Variants in HOMER2 observed in about 807,000 individuals in gnomAD.
HOMER2 encodes homer scaffold protein 2.
A neutral mutation model predicts 47.0 loss-of-function variants in HOMER2; 27 were observed. The ratio of observed to expected loss-of-function variants is 0.57; its 90% CI spans 0.42 to 0.79. HOMER2 has a LOEUF of 0.79. Ranked by LOEUF, HOMER2 falls within the 30% of genes least tolerant of loss-of-function variation. The pLI is 0.00. For missense variants in HOMER2, 443 were observed against 435.0 expected (o/e 1.02, Z -0.16); for synonymous variants, 161 against 163.8 (o/e 0.98, Z 0.13).
intron 1 of HOMER2, among the ~76,000 whole-genome samples, chr15:82,923,486 C>CAAA (rs555074000): frequency 7.1e-5 from 4 of 56,302 alleles, no homozygotes; most frequent in Non-Finnish European, 1.1e-4. Flanking sequence ...GAGTCCGTCT[C>CAAA]AAAAAAAAAA....
chr15:82,932,108 A>G (rs1021489997), intron 1 of HOMER2, among the ~76,000 whole-genome samples: 11 of 152,014 alleles, frequency 7.2e-5, no homozygotes, highest in East Asian at 1.9e-4. Context: ...TTCTCACCCA[A>G]CTCCATCCAT....
chr15:82,981,894 G>A (rs1011774509), intron 1 of HOMER2, among the ~76,000 whole-genome samples: 1 of 151,814 alleles, frequency 6.6e-6, no homozygotes, highest in Non-Finnish European at 1.5e-5. Context: ...ATTTCAGTGT[G>A]AGAAGATGAA....
At chr15:82,915,443 T>TAATCCTGTACTC (rs2053561908) in intron 1 of HOMER2, among the ~76,000 whole-genome samples, 1 of 152,120 alleles carries the variant, frequency 6.6e-6, no homozygotes, top group Non-Finnish European at 1.5e-5. Flanking sequence ...GTACAGTGGC[T>TAATCCTGTACTC]CATGCCTGTA....
chr15:82,844,832 G>A (rs187782203), downstream of HOMER2: 88 of 152,278 alleles, frequency 5.8e-4, no homozygotes, highest in African/African-American at 1.9e-3. Flanking sequence ...CACAACTGAC[G>A]TAAAGTCGGG....
intron 1 of HOMER2, among the ~76,000 whole-genome samples, chr15:82,936,835 G>A (rs1020735571): frequency 5.3e-5 from 8 of 151,868 alleles, no homozygotes; most frequent in Non-Finnish European, 1.5e-5. Flanking sequence ...TGTGAGGTGT[G>A]AGCCACCATG....
At chr15:82,910,695 G>A (rs945954974) in intron 1 of HOMER2, among the ~76,000 whole-genome samples, 1 of 152,176 alleles carries the variant, frequency 6.6e-6, no homozygotes, top group East Asian at 1.9e-4. Flanking sequence ...CTCGGAAGGC[G>A]TGTTTGATGG....
exon 2 of HOMER2, chr15:82,959,143 C>T (rs2054609859): frequency 6.6e-6 from 1 of 152,464 alleles, no homozygotes; most frequent in African/African-American, 2.4e-5. Flanking sequence ...AGTCTCCGAA[C>T]TAAGCCTCGC....
intron 1 of HOMER2, among the ~76,000 whole-genome samples, chr15:82,900,175 G>A (rs2151120414): frequency 6.6e-6 from 1 of 151,886 alleles, no homozygotes; most frequent in Middle Eastern, 3.4e-3. Flanking sequence ...TGCCCCTATA[G>A]TCCCAGCCAC....
chr15:82,933,386 C>T (rs2054065049), intron 1 of HOMER2, among the ~76,000 whole-genome samples: 1 of 152,016 alleles, frequency 6.6e-6, no homozygotes, highest in South Asian at 2.1e-4. Context: ...GCCACCACAC[C>T]CAGCTAATAA....
intron 1 of HOMER2, among the ~76,000 whole-genome samples, chr15:82,929,653 CAAAA>C (rs373315567): frequency 6.6e-4 from 60 of 90,988 alleles, no homozygotes; most frequent in Non-Finnish European, 1.0e-3. Flanking sequence ...GTGAGACTAT[CAAAA>C]AAAAAAAAAA....
chr15:82,951,341 A>G (rs2054501210), intron 1 of HOMER2, among the ~76,000 whole-genome samples: 1 of 152,052 alleles, frequency 6.6e-6, no homozygotes, highest in South Asian at 2.1e-4. Flanking sequence ...CCTGCCTCTG[A>G]TCCCCTCACA....
At chr15:82,910,132 C>CA (rs35191408) in intron 1 of HOMER2, among the ~76,000 whole-genome samples, 5,605 of 21,892 alleles carry the variant, frequency 0.26, 1,361 homozygotes, top group East Asian at 0.47. Flanking sequence ...GATTCTGTCT[C>CA]AAAAAAAAAA....
At chr15:82,867,858 C>A (rs2052025780) in intron 3 of HOMER2, among the ~76,000 whole-genome samples, 1 of 152,068 alleles carries the variant, frequency 6.6e-6, no homozygotes, top group Admixed American at 6.5e-5. Context: ...GCATTGTCTA[C>A]AAATATGGAA....
intron 1 of HOMER2, among the ~76,000 whole-genome samples, chr15:82,919,326 G>A (rs559513247): frequency 1.3e-5 from 2 of 152,280 alleles, no homozygotes; most frequent in Admixed American, 6.5e-5. Context: ...AAGTCACAAC[G>A]GGTTGCTCGT....
chr15:82,860,901 C>T (rs1448645094), intron 4 of HOMER2, among the ~76,000 whole-genome samples: 3 of 142,514 alleles, frequency 2.1e-5, no homozygotes, highest in African/African-American at 7.9e-5. Context: ...CACGCCACTG[C>T]ACTCCAGCCT....
exon 2 of HOMER2, chr15:82,841,994 G>A (rs966598722): frequency 1.3e-5 from 2 of 152,012 alleles, no homozygotes; most frequent in Non-Finnish European, 1.5e-5. Flanking sequence ...TTAATTATGG[G>A]GGACTTTAAT....
intron 3 of HOMER2, among the ~76,000 whole-genome samples, chr15:82,871,966 C>T (rs1387839264): frequency 6.6e-6 from 1 of 152,166 alleles, no homozygotes; most frequent in African/African-American, 2.4e-5. Context: ...TCTCTCAAAC[C>T]ATCCTTGGCT....
At chr15:82,847,425 G>A (rs2051268543), downstream of HOMER2, among the ~76,000 whole-genome samples, 1 of 152,182 alleles carries the variant, frequency 6.6e-6, no homozygotes, top group South Asian at 2.1e-4. Context: ...CTGTAGAGCT[G>A]GACACACAGC....
chr15:82,943,165 A>G (rs548069236), intron 1 of HOMER2, among the ~76,000 whole-genome samples: 89 of 152,364 alleles, frequency 5.8e-4, no homozygotes, highest in African/African-American at 1.9e-3. Flanking sequence ...GCATTGTGCT[A>G]AATGCTCTAT....
Sources: gnomAD v4.1 joint callset for allele counts (sites outside exome capture counted in the v4.1 genomes callset) on GRCh38, gnomAD v4.1.1 for gene constraint, MANE v1.5 for transcripts, NCBI Gene and HGNC (gene_info 2026-07-23, HGNC 2026-07-21) for gene names.